AFG2A: variants seen among roughly 807,000 people sequenced by gnomAD.
The protein encoded by AFG2A is ATPase family gene 2 protein homolog A.
At chr4:123,121,562 T>C in the AFG2A span, among the ~76,000 whole-genome samples, 1 of 152,246 alleles carries the variant, frequency 6.6e-6, no homozygotes, top group Non-Finnish European at 1.5e-5. Context: ...TGTTTAGATA[T>C]GTTTAGACAC....
chr4:123,188,387 A>G, the AFG2A span, among the ~76,000 whole-genome samples: 1 of 152,200 alleles, frequency 6.6e-6, no homozygotes, highest in African/African-American at 2.4e-5. Flanking sequence ...AAAGTAGTAT[A>G]TCTTCCATAA....
At chr4:123,124,743 GAA>G in the AFG2A span, among the ~76,000 whole-genome samples, 1 of 152,104 alleles carries the variant, frequency 6.6e-6, no homozygotes, top group Non-Finnish European at 1.5e-5. Flanking sequence ...TCTTTATTAT[GAA>G]GTTTTTTAAA....
chr4:123,311,351 G>A, the AFG2A span, among the ~76,000 whole-genome samples: 4 of 152,078 alleles, frequency 2.6e-5, no homozygotes, highest in African/African-American at 7.2e-5. Flanking sequence ...CAGCAGGCTG[G>A]GCTCGGGGGC....
chr4:123,292,327 C>A, the AFG2A span, among the ~76,000 whole-genome samples: 2 of 152,094 alleles, frequency 1.3e-5, no homozygotes, highest in Admixed American at 1.3e-4. Context: ...TCTCATCGAG[C>A]AACTTAATAG....
chr4:123,162,238 G>A, the AFG2A span, among the ~76,000 whole-genome samples: 2 of 152,178 alleles, frequency 1.3e-5, no homozygotes, highest in African/African-American at 4.8e-5. Context: ...TATGATAAAG[G>A]AGAATTTTAA....
At chr4:123,254,298 G>A in the AFG2A span, among the ~76,000 whole-genome samples, 3 of 150,320 alleles carry the variant, frequency 2.0e-5, no homozygotes, top group Non-Finnish European at 4.4e-5. Context: ...TTTCAGTATG[G>A]TGTGAGGTAA....
the AFG2A span, among the ~76,000 whole-genome samples, chr4:122,970,950 C>T: frequency 1.3e-5 from 2 of 152,142 alleles, no homozygotes; most frequent in East Asian, 1.9e-4. Context: ...TCTTGTGCCT[C>T]AGCCTCCCAA....
chr4:123,043,630 T>C, the AFG2A span, among the ~76,000 whole-genome samples: 1 of 152,242 alleles, frequency 6.6e-6, no homozygotes, highest in Non-Finnish European at 1.5e-5. Flanking sequence ...ATCAGTGTTA[T>C]ATTTTTTACA....
the AFG2A span, among the ~76,000 whole-genome samples, chr4:123,167,278 C>A: frequency 1.3e-5 from 2 of 149,702 alleles, no homozygotes; most frequent in South Asian, 2.1e-4. Context: ...ATATATATAG[C>A]TTTTTGGGGG....
the AFG2A span, among the ~76,000 whole-genome samples, chr4:122,953,854 TTGG>T: frequency 1.3e-4 from 20 of 152,232 alleles, no homozygotes; most frequent in Non-Finnish European, 2.4e-4. Context: ...TTCTCATAAG[TTGG>T]TGGCTGCTTG....
chr4:123,277,312 T>C, the AFG2A span, among the ~76,000 whole-genome samples: 6 of 152,198 alleles, frequency 3.9e-5, no homozygotes, highest in Non-Finnish European at 7.3e-5. Flanking sequence ...ATGCTACTGA[T>C]TTTTGTACAT....
At chr4:123,141,494 A>G in the AFG2A span, among the ~76,000 whole-genome samples, 11 of 152,252 alleles carry the variant, frequency 7.2e-5, no homozygotes, top group Middle Eastern at 3.4e-3. Flanking sequence ...AAACAAAAAA[A>G]CAGTGTTACT....
At chr4:123,268,201 C>T in the AFG2A span, among the ~76,000 whole-genome samples, 1 of 151,840 alleles carries the variant, frequency 6.6e-6, no homozygotes, top group Non-Finnish European at 1.5e-5. Flanking sequence ...AATTAGGGAG[C>T]AGATGAAAAG....
At chr4:122,978,021 G>T in the AFG2A span, among the ~76,000 whole-genome samples, 12 of 152,274 alleles carry the variant, frequency 7.9e-5, no homozygotes, top group African/African-American at 2.9e-4. Flanking sequence ...CCCAGAGTGG[G>T]TAGCTTCTTT....
At chr4:123,124,240 A>G in the AFG2A span, among the ~76,000 whole-genome samples, 1 of 152,168 alleles carries the variant, frequency 6.6e-6, no homozygotes, top group Non-Finnish European at 1.5e-5. Context: ...AACCAACCCA[A>G]ATGTCCATCA....
At chr4:123,279,857 G>A in the AFG2A span, among the ~76,000 whole-genome samples, 1 of 152,108 alleles carries the variant, frequency 6.6e-6, no homozygotes, top group Non-Finnish European at 1.5e-5. Flanking sequence ...CAATACATGA[G>A]TTACTAGAAA....
chr4:123,255,957 T>G, the AFG2A span: 1 of 1,593,642 alleles, frequency 6.3e-7, no homozygotes, highest in Non-Finnish European at 8.6e-7. Flanking sequence ...CTAGGTATCT[T>G]TGAGATGGAA....
At chr4:123,138,306 G>A in the AFG2A span, among the ~76,000 whole-genome samples, 2 of 152,102 alleles carry the variant, frequency 1.3e-5, no homozygotes. Context: ...TTTGGGGTCT[G>A]CACATTTGAC....
At chr4:123,202,569 A>G in the AFG2A span, among the ~76,000 whole-genome samples, 1 of 152,142 alleles carries the variant, frequency 6.6e-6, no homozygotes, top group Admixed American at 6.5e-5. Flanking sequence ...ATATCTGTAG[A>G]ACAATATCAA....
Sources: gnomAD v4.1 joint callset for allele counts (sites outside exome capture counted in the v4.1 genomes callset) on GRCh38, gnomAD v4.1.1 for gene constraint, MANE v1.5 for transcripts, NCBI Gene and HGNC (gene_info 2026-07-23, HGNC 2026-07-21) for gene names.